DNAAF9: variants seen among roughly 807,000 people sequenced by gnomAD.
DNAAF9 encodes shulin.
In DNAAF9, 90 loss-of-function variants were observed where a neutral mutation model predicts 167.0. The observed-to-expected ratio is 0.54, with a 90% CI of 0.45 to 0.64. The LOEUF (loss-of-function observed/expected upper bound fraction) is 0.64. Ranked by LOEUF, DNAAF9 falls within the 30% of genes least tolerant of loss-of-function variation. The pLI is 0.00. For missense variants in DNAAF9, 1,315 were observed against 1,442.2 expected (o/e 0.91, Z 1.43); for synonymous variants, 491 against 508.8 (o/e 0.96, Z 0.47).
At chr20:3,253,407 C>T (rs1280717011) in intron 36 of DNAAF9, among the ~76,000 whole-genome samples, 1 of 152,120 alleles carries the variant, frequency 6.6e-6, no homozygotes, top group Non-Finnish European at 1.5e-5. Context: ...CGCCATTGCA[C>T]TCCAGCCTGG....
At chr20:3,334,760 T>C (rs1461097704) in intron 10 of DNAAF9, among the ~76,000 whole-genome samples, 1 of 152,222 alleles carries the variant, frequency 6.6e-6, no homozygotes, top group East Asian at 1.9e-4. Flanking sequence ...AGGCGTGTAA[T>C]GGACATCTAA....
At chr20:3,258,666 G>A (rs142051770) in intron 33 of DNAAF9, among the ~76,000 whole-genome samples, 337 of 152,236 alleles carry the variant, frequency 2.2e-3, no homozygotes, top group African/African-American at 7.9e-3. Context: ...TGAAAGACAA[G>A]CTGACACACC....
chr20:3,318,293 T>G lies in DNAAF9; in HGVS notation c.1464A>C (p.Glu488Asp). 6.8e-7 allele frequency: 1 copy of G among 1,470,152 alleles called. No homozygotes were observed. Among genetic ancestry groups the G allele is most frequent in the Admixed American group, 1.7e-5 (1 of 59,486 alleles). The allele number at this position is 1,470,152 out of a possible 1,614,324, so 91.1% of individuals were successfully genotyped here. A position where few individuals can be genotyped will look rare whatever the true frequency, so the allele number is the denominator to read the frequency against. The change falls in exon 17 of 37, where the codon GAA becomes GAC. Residue 488 changes from glutamate (E) to aspartate (D), a missense_variant. Coordinates refer to ENST00000252032, the MANE Select transcript of DNAAF9 (RefSeq NM_001009984.3). ...CTAAAGATCACATATACTTACCCTT[T>G]TCTTTAACTAAGATCTGAGAAGTCA... is the stretch of plus-strand genomic sequence containing the variant. ...SFLTSQILVK[E>D]KDGTVTTETS...
At chr20:3,372,693 G>C (rs994112704) in intron 6 of DNAAF9, among the ~76,000 whole-genome samples, 12 of 152,292 alleles carry the variant, frequency 7.9e-5, no homozygotes, top group Middle Eastern at 3.4e-3. Context: ...TCTGAAACCA[G>C]ACCATCTGGA....
At chr20:3,326,319 C>A in intron 12 of DNAAF9, 35 bp from the exon 13 acceptor site, 1 of 1,396,070 alleles carries the variant, frequency 7.2e-7, no homozygotes, top group South Asian at 1.2e-5. Context: ...AACATTACAG[C>A]ATCATGAGGT....
At chr20:3,278,777 G>A in intron 29 of DNAAF9, 135 bp downstream of exon 29, 1 of 765,728 alleles carries the variant, frequency 1.3e-6, no homozygotes, top group Non-Finnish European at 2.4e-6. Flanking sequence ...AAAAGTAAAG[G>A]TGTCAAAGTT....
chr20:3,354,055 C>G (rs1026648711), intron 7 of DNAAF9, among the ~76,000 whole-genome samples: 5 of 152,126 alleles, frequency 3.3e-5, no homozygotes, highest in Non-Finnish European at 5.9e-5. Context: ...TGTATATTGT[C>G]CTTTTAAATC....
chr20:3,345,565 C>T (rs1011098792), intron 8 of DNAAF9, among the ~76,000 whole-genome samples: 14 of 152,166 alleles, frequency 9.2e-5, no homozygotes, highest in African/African-American at 3.4e-4. Context: ...TATCTCACAA[C>T]ATATTCCCAC....
intron 30 of DNAAF9, among the ~76,000 whole-genome samples, chr20:3,268,336 C>CT (rs1198893527): frequency 3.7e-4 from 51 of 136,540 alleles, no homozygotes; most frequent in Admixed American, 5.3e-4. Flanking sequence ...TGCCCGGCCC[C>CT]TTTTTTTTTT....
At position 3,287,612 on chromosome 20, in the gene DNAAF9, A is replaced by G. The variant is rs764121611; in HGVS notation, c.2486+20T>C. The G allele has an allele frequency of 5.3e-5, 86 of 1,613,212 alleles. 1 individual carries two copies. The South Asian group carries it at 8.8e-4, about 16-fold the overall frequency. ...TCATCACCCTGATTCGACTGTTTCC[A>G]GGAGACTTCCAATGCTCACCCTTGT... is the stretch of plus-strand genomic sequence containing the variant. On this transcript the variant is annotated intron_variant, in intron 27 of 36. Transcript: ENST00000252032.
chr20:3,291,209 A>G (rs6084327), intron 25 of DNAAF9, among the ~76,000 whole-genome samples: 39,372 of 152,044 alleles, frequency 0.26, 5,348 homozygotes, highest in East Asian at 0.38. Context: ...GTCCCCTTTC[A>G]GGTAGATATT....
In DNAAF9 at chr20:3,298,168, G is replaced by A. The variant is rs1475516203; in HGVS notation, c.1790C>T (p.Thr597Ile). 1 of 1,612,650 alleles carries A rather than the reference G, an allele frequency of 6.2e-7. No individual in the cohort carries two copies. Among genetic ancestry groups the A allele is most frequent in the Admixed American group, 1.7e-5 (1 of 59,782 alleles). ...NSISFYDGDSTSTVAALLIDF... is the reference protein window; with the variant it reads ...NSISFYDGDSISTVAALLIDF... ...TATGAGAAGAGCAGCAACAGTACTG[G>A]TGGAATCCTAAAGCGAAAAGGAGGG... The change falls in exon 22 of 37, where the codon ACC becomes ATC. Residue 597 changes from threonine (T) to isoleucine (I), a missense_variant. Physicochemically the swap from Thr to Ile is moderately conservative, Grantham distance 89 (BLOSUM62 -1). Transcript: ENST00000252032.
At chr20:3,342,502 C>T (rs2070106746) in intron 9 of DNAAF9, among the ~76,000 whole-genome samples, 2 of 152,138 alleles carry the variant, frequency 1.3e-5, no homozygotes, top group South Asian at 4.1e-4. Context: ...TGTCGTAGTT[C>T]TCAGTGAATA....
At chr20:3,353,698 G>T (rs2083247092) in intron 7 of DNAAF9, among the ~76,000 whole-genome samples, 2 of 135,220 alleles carry the variant, frequency 1.5e-5, no homozygotes, top group African/African-American at 5.6e-5. Context: ...AATTCTATTA[G>T]AAACAGACTC....
At chr20:3,307,102 C>A in intron 20 of DNAAF9, 1 of 985,044 alleles carries the variant, frequency 1.0e-6, no homozygotes, top group African/African-American at 1.7e-5. Flanking sequence ...ATTGGAGAAG[C>A]TGGCACATTC....
At chr20:3,381,959 G>A (rs1015776623) in intron 2 of DNAAF9, among the ~76,000 whole-genome samples, 1 of 152,196 alleles carries the variant, frequency 6.6e-6, no homozygotes, top group East Asian at 1.9e-4. Flanking sequence ...TCAAGGTCTA[G>A]CACTGTACTA....
intron 11 of DNAAF9, among the ~76,000 whole-genome samples, chr20:3,331,040 C>T (rs1201702572): frequency 6.6e-6 from 1 of 152,174 alleles, no homozygotes; most frequent in African/African-American, 2.4e-5. Context: ...GATCCACCCA[C>T]CTCAGCTTCC....
intron 1 of DNAAF9, among the ~76,000 whole-genome samples, chr20:3,407,164 G>C (rs2123324796): frequency 6.6e-6 from 1 of 152,218 alleles, no homozygotes; most frequent in Non-Finnish European, 1.5e-5. Flanking sequence ...TTCTATGGGG[G>C]TGAGGACGTC....
At chr20:3,292,429 C>G (rs1032647664) in intron 25 of DNAAF9, among the ~76,000 whole-genome samples, 2 of 152,160 alleles carry the variant, frequency 1.3e-5, no homozygotes, top group African/African-American at 4.8e-5. Flanking sequence ...TGAGTATCTT[C>G]TAGACTTGCA....
Sources: allele counts gnomAD v4.1 joint callset (sites outside exome capture counted in the v4.1 genomes callset), GRCh38; gene constraint gnomAD v4.1.1; transcripts MANE v1.5; gene names NCBI Gene and HGNC (gene_info 2026-07-23, HGNC 2026-07-21).